Variants in FGGY observed in about 807,000 individuals in gnomAD.
FGGY encodes FGGY carbohydrate kinase domain containing.
Under a neutral mutation model 71.3 loss-of-function variants are expected in FGGY, and 72 were observed. The ratio of observed to expected loss-of-function variants is 1.01; its 90% CI spans 0.84 to 1.23. The LOEUF is 1.23. Among genes scored for constraint, FGGY ranks in the 50% most tolerant of loss-of-function variants. FGGY has a pLI of 0.00. For missense variants in FGGY, 668 were observed against 682.3 expected (o/e 0.98, Z 0.23); for synonymous variants, 251 against 250.3 (o/e 1.00, Z -0.02).
At chr1:59,375,072 A>G (rs1054631592) in intron 4 of FGGY, among the ~76,000 whole-genome samples, 1 of 130,034 alleles carries the variant, frequency 7.7e-6, no homozygotes, top group East Asian at 2.0e-4. Flanking sequence ...TAATAATAAT[A>G]AAAAAAAATC....
chr1:59,616,289 G>A (rs1288892371), intron 9 of FGGY, among the ~76,000 whole-genome samples: 1 of 152,188 alleles, frequency 6.6e-6, no homozygotes, highest in Non-Finnish European at 1.5e-5. Context: ...TATACACCAT[G>A]GAATACTATG....
At chr1:59,642,883 A>T (rs1010516712) in intron 11 of FGGY, among the ~76,000 whole-genome samples, 3 of 151,106 alleles carry the variant, frequency 2.0e-5, no homozygotes, top group Admixed American at 2.0e-4. Context: ...AAGTACAAAA[A>T]AATTAGCCGG....
At chr1:59,483,539 G>A (rs2093567651) in intron 6 of FGGY, among the ~76,000 whole-genome samples, 1 of 152,118 alleles carries the variant, frequency 6.6e-6, no homozygotes, top group African/African-American at 2.4e-5. Flanking sequence ...TTCTACTGTG[G>A]TCTTAAGTCA....
chr1:59,501,904 C>T (rs537609214), intron 6 of FGGY, among the ~76,000 whole-genome samples: 71 of 152,274 alleles, frequency 4.7e-4, no homozygotes, highest in African/African-American at 1.6e-3. Context: ...GAGCTGAGTA[C>T]CCTCTGTGTG....
intron 6 of FGGY, among the ~76,000 whole-genome samples, chr1:59,462,293 A>G (rs2092300374): frequency 6.6e-6 from 1 of 152,206 alleles, no homozygotes; most frequent in Non-Finnish European, 1.5e-5. Flanking sequence ...CTTACACCTT[A>G]TACAAAAGTT....
Position 59,646,495 on chromosome 1 carries a change from AT to A in FGGY, c.1221+8126del, listed in dbSNP as rs567861970. On this transcript the variant is annotated intron_variant, in intron 11 of 15. Transcript: ENST00000303721. The stretch of plus-strand genomic sequence containing the variant: ...TATATATGTTTTACTGAAAATACAT[AT>A]TTTTTATTTGTATATTTATATATAA... Among the ~76,000 whole-genome samples the A allele has an allele frequency of 3.1e-3, 470 of 149,834 alleles. 3 individuals carry two copies. Among genetic ancestry groups the A allele is most frequent in the South Asian group, 4.0e-3 (19 of 4,786 alleles).
intron 7 of FGGY, among the ~76,000 whole-genome samples, chr1:59,534,573 GC>G (rs1570822536): frequency 6.6e-6 from 1 of 152,174 alleles, no homozygotes; most frequent in Non-Finnish European, 1.5e-5. Flanking sequence ...GTTAAGGGCA[GC>G]CAGAGAGAAA....
intron 14 of FGGY, among the ~76,000 whole-genome samples, chr1:59,695,439 G>T (rs1402542171): frequency 6.6e-6 from 1 of 152,200 alleles, no homozygotes; most frequent in Non-Finnish European, 1.5e-5. Context: ...TGCATTCCAT[G>T]TTGTATCCTC....
intron 12 of FGGY, among the ~76,000 whole-genome samples, chr1:59,662,902 T>A (rs1387633550): frequency 6.6e-6 from 1 of 152,264 alleles, no homozygotes; most frequent in Admixed American, 6.5e-5. Context: ...TGAGGAACTT[T>A]TATTTTCAGA....
chr1:59,311,705 G>A (rs1470876527), intron 1 of FGGY, among the ~76,000 whole-genome samples: 1 of 152,152 alleles, frequency 6.6e-6, no homozygotes, highest in East Asian at 1.9e-4. Flanking sequence ...ATAAACATAT[G>A]TGTGCATGTG....
intron 8 of FGGY, among the ~76,000 whole-genome samples, chr1:59,584,952 C>A (rs2096258444): frequency 6.6e-6 from 1 of 151,728 alleles, no homozygotes. Context: ...GCTAGGAATC[C>A]AACTTACAAG....
At chr1:59,353,433 C>A (rs1182656858) in intron 4 of FGGY, among the ~76,000 whole-genome samples, 1 of 152,004 alleles carries the variant, frequency 6.6e-6, no homozygotes, top group African/African-American at 2.4e-5. Flanking sequence ...ATTCTAGAAA[C>A]CATCATCAAA....
intron 14 of FGGY, among the ~76,000 whole-genome samples, chr1:59,720,895 CT>C (rs1453038510): frequency 1.3e-5 from 2 of 152,166 alleles, no homozygotes; most frequent in African/African-American, 4.8e-5. Flanking sequence ...ATTTCATCTC[CT>C]TCTGCCACTT....
At chr1:59,653,158 C>T (rs896083376) in intron 11 of FGGY, among the ~76,000 whole-genome samples, 6 of 152,224 alleles carry the variant, frequency 3.9e-5, no homozygotes, top group Admixed American at 1.3e-4. Flanking sequence ...CTCTTCAAAG[C>T]TGTCAGACAG....
chr1:59,601,303 C>T (rs76457706), intron 8 of FGGY, among the ~76,000 whole-genome samples: 11,354 of 152,236 alleles, frequency 0.075, 736 homozygotes, highest in African/African-American at 0.18. Context: ...AGCAGCTCCC[C>T]ACTCTGAGCC....
chr1:59,618,069 G>A (rs747952505), intron 9 of FGGY, among the ~76,000 whole-genome samples: 1 of 152,048 alleles, frequency 6.6e-6, no homozygotes, highest in Non-Finnish European at 1.5e-5. Context: ...CTTCCATCGC[G>A]TTACAGAGAT....
intron 8 of FGGY, among the ~76,000 whole-genome samples, chr1:59,606,652 A>T (rs968914189): frequency 2.0e-5 from 3 of 152,182 alleles, no homozygotes; most frequent in African/African-American, 7.2e-5. Flanking sequence ...TCATGCTGAC[A>T]GGGAGATAAA....
chr1:59,423,746 C>G (rs976555107), intron 5 of FGGY, among the ~76,000 whole-genome samples: 2 of 152,206 alleles, frequency 1.3e-5, no homozygotes, highest in African/African-American at 4.8e-5. Flanking sequence ...GGTCATACTA[C>G]CGTGGCTCAC....
At chr1:59,312,860 G>A (rs1325464853) in intron 1 of FGGY, among the ~76,000 whole-genome samples, 1 of 152,182 alleles carries the variant, frequency 6.6e-6, no homozygotes, top group East Asian at 1.9e-4. Flanking sequence ...ACATTGTGAG[G>A]CACACATGGG....
Sources: gnomAD v4.1 joint callset for allele counts (sites outside exome capture counted in the v4.1 genomes callset) on GRCh38, gnomAD v4.1.1 for gene constraint, MANE v1.5 for transcripts, NCBI Gene and HGNC (gene_info 2026-07-23, HGNC 2026-07-21) for gene names.